CSMD1: variants seen among roughly 807,000 people sequenced by gnomAD.
CSMD1 encodes CUB and sushi domain-containing protein 1.
A neutral mutation model predicts 417.5 loss-of-function variants in CSMD1; 213 were observed. The observed-to-expected ratio is 0.51, with a 90% CI of 0.46 to 0.57. CSMD1 has a LOEUF of 0.57. CSMD1 is among the 20% of genes least tolerant of loss of function. The pLI is 0.00. For synonymous variants in CSMD1, 2,862 were observed against 1,736.8 expected (o/e 1.65, Z -16.11); for missense variants, 6,923 against 4,529.7 (o/e 1.53, Z -15.17).
intron 3 of CSMD1, among the ~76,000 whole-genome samples, chr8:4,309,338 AG>A (rs1490185189): frequency 1.3e-5 from 2 of 152,200 alleles, no homozygotes; most frequent in Non-Finnish European, 2.9e-5. Context: ...TGAGATGAGA[AG>A]TTTTTTTAGG....
chr8:3,990,912 C>G (rs571466254), intron 5 of CSMD1, among the ~76,000 whole-genome samples: 2 of 152,246 alleles, frequency 1.3e-5, no homozygotes, highest in African/African-American at 4.8e-5. Context: ...CGTGAAAGAC[C>G]CTTCCTTCAC....
rs534913401 is a variant in CSMD1, at chr8:4,833,505, A to G, written c.85+160827T>C. On this transcript the variant is annotated intron_variant, in intron 1 of 69. Transcript: ENST00000635120. ...AATTCAACATGAAATTTGGGTGGGG[A>G]CACAGAGCCAAACCCTATCACCCAC... 9.8e-5 allele frequency among the ~76,000 whole-genome samples: 15 copies of G among 152,344 alleles called. No homozygotes were observed. In the South Asian group the frequency reaches 2.9e-3, roughly 29 times the overall value.
At chr8:4,054,141 T>C (rs1409279967) in intron 3 of CSMD1, among the ~76,000 whole-genome samples, 1 of 152,110 alleles carries the variant, frequency 6.6e-6, no homozygotes, top group Non-Finnish European at 1.5e-5. Flanking sequence ...TTTTTCTATG[T>C]AAGTACAGAA....
chr8:4,225,829 C>T (rs1231063951), intron 3 of CSMD1, among the ~76,000 whole-genome samples: 1 of 151,992 alleles, frequency 6.6e-6, no homozygotes, highest in Non-Finnish European at 1.5e-5. Context: ...TGTAAAGTGG[C>T]ACAATATGAT....
intron 7 of CSMD1, among the ~76,000 whole-genome samples, chr8:3,698,209 G>C (rs1301628269): frequency 1.3e-5 from 2 of 152,112 alleles, no homozygotes; most frequent in African/African-American, 2.4e-5. Context: ...AGATATTTTA[G>C]CTTCTGCAGT....
At chr8:3,395,891 A>G (rs1288126886) in intron 17 of CSMD1, among the ~76,000 whole-genome samples, 1 of 152,208 alleles carries the variant, frequency 6.6e-6, no homozygotes, top group Non-Finnish European at 1.5e-5. Flanking sequence ...TACATTTTCT[A>G]ATAATAGAAG....
chr8:3,268,742 A>G (rs556545918), intron 26 of CSMD1, among the ~76,000 whole-genome samples: 2 of 152,076 alleles, frequency 1.3e-5, no homozygotes, highest in Non-Finnish European at 2.9e-5. Flanking sequence ...ACTGTTGTCT[A>G]CCTCTGCCTA....
Position 3,817,770 on chromosome 8 carries a change from A to C in CSMD1, c.819-63728T>G, listed in dbSNP as rs76291670. 7.3e-3 allele frequency among the ~76,000 whole-genome samples: 1,106 copies of C among 152,246 alleles called. 17 individuals are homozygous for C. Among genetic ancestry groups the C allele is most frequent in the African/African-American group, 0.024 (994 of 41,550 alleles). On this transcript the variant is annotated intron_variant, in intron 5 of 69. Transcript: ENST00000635120. ...CTTCCAGAAACAGAGGTCTTCCAAA[A>C]GCCCCAATGCAGACCAAAGTCAGGA...
intron 30 of CSMD1, among the ~76,000 whole-genome samples, chr8:3,209,312 TTTA>T (rs1797471311): frequency 1.2e-4 from 18 of 150,052 alleles, no homozygotes; most frequent in Admixed American, 3.3e-4. Context: ...TATTTATTTA[TTTA>T]TTTATATTTA....
At chr8:4,764,885 A>AAAAAACAAAACAAAACAAAAC (rs1812348339) in intron 1 of CSMD1, among the ~76,000 whole-genome samples, 1 of 74,810 alleles carries the variant, frequency 1.3e-5, no homozygotes, top group Non-Finnish European at 2.2e-5. Flanking sequence ...AAAAAAAAAA[A>AAAAAACAAAACAAAACAAAAC]AAAAAAAAAC....
intron 2 of CSMD1, among the ~76,000 whole-genome samples, chr8:4,509,080 G>C (rs993220332): frequency 6.6e-6 from 1 of 151,790 alleles, no homozygotes; most frequent in Non-Finnish European, 1.5e-5. Context: ...GGAGAGTGAA[G>C]AATAAGGCAG....
At chr8:4,175,894 T>C (rs1485011465) in intron 3 of CSMD1, among the ~76,000 whole-genome samples, 1 of 152,164 alleles carries the variant, frequency 6.6e-6, no homozygotes, top group Non-Finnish European at 1.5e-5. Flanking sequence ...AGTTGATTTC[T>C]AGTCCTAATT....
chr8:4,486,182 T>TATATATATATACATAC (rs1563223817), intron 2 of CSMD1, among the ~76,000 whole-genome samples: 8 of 11,498 alleles, frequency 7.0e-4, no homozygotes, highest in Admixed American at 2.8e-3. Context: ...TATACATACA[T>TATATATATATACATAC]ATATATATAT....
chr8:4,592,598 G>C (rs897775614), intron 2 of CSMD1, among the ~76,000 whole-genome samples: 8 of 152,008 alleles, frequency 5.3e-5, no homozygotes, highest in African/African-American at 1.7e-4. Context: ...TGTTGGCCAG[G>C]CTGGTCTCAA....
At chr8:4,077,407 C>T (rs1158238650) in intron 3 of CSMD1, among the ~76,000 whole-genome samples, 1 of 150,428 alleles carries the variant, frequency 6.6e-6, no homozygotes, top group African/African-American at 2.5e-5. Context: ...ATAATAAGCT[C>T]TTAATAATTT....
intron 5 of CSMD1, among the ~76,000 whole-genome samples, chr8:3,946,027 C>G (rs955488172): frequency 6.6e-6 from 1 of 152,096 alleles, no homozygotes; most frequent in Non-Finnish European, 1.5e-5. Flanking sequence ...TAACATTCTA[C>G]GATGTAGGCG....
chr8:4,810,427 A>C (rs193180410), intron 1 of CSMD1, among the ~76,000 whole-genome samples: 18 of 152,300 alleles, frequency 1.2e-4, no homozygotes, highest in Admixed American at 1.2e-3. Context: ...CTATGCAGGG[A>C]AACTAAACAA....
intron 5 of CSMD1, among the ~76,000 whole-genome samples, chr8:3,940,679 T>A (rs528589737): frequency 1.3e-5 from 2 of 152,016 alleles, no homozygotes; most frequent in Admixed American, 1.3e-4. Flanking sequence ...CAAATTTCTA[T>A]AACATACCTA....
At chr8:3,103,069 G>A (rs1215555494) in intron 46 of CSMD1, among the ~76,000 whole-genome samples, 1 of 152,162 alleles carries the variant, frequency 6.6e-6, no homozygotes, top group East Asian at 1.9e-4. Context: ...ACTTACTGAG[G>A]CTCCAGAGGA....
Sources: gnomAD v4.1 joint callset for allele counts (sites outside exome capture counted in the v4.1 genomes callset) on GRCh38, gnomAD v4.1.1 for gene constraint, MANE v1.5 for transcripts, NCBI Gene and HGNC (gene_info 2026-07-23, HGNC 2026-07-21) for gene names.